RAB15: variants seen among roughly 807,000 people sequenced by gnomAD.
The protein encoded by RAB15 is RAB15, member RAS oncogene family.
In RAB15, 13 loss-of-function variants were observed where a neutral mutation model predicts 31.8. That is an observed-to-expected ratio of 0.41 (90% CI 0.27 to 0.65). RAB15 has a LOEUF of 0.65. Ranked by LOEUF, RAB15 falls within the 30% of genes least tolerant of loss-of-function variation. The probability of loss-of-function intolerance (pLI) is 0.32; values close to 1 mark genes in which losing one functional copy is unlikely to be tolerated. For missense variants in RAB15, 220 were observed against 277.3 expected (o/e 0.79, Z 1.47); for synonymous variants, 100 against 105.6 (o/e 0.95, Z 0.33).
Position 64,958,671 on chromosome 14 carries a change from G to A in RAB15, c.125-6100C>T, listed in dbSNP as rs1039024779. ...CAAAACAGTCTACTTCCTTTCTTGG[G>A]TACAGAAAGAAATAGGGCACAGAAG... On this transcript the variant is annotated intron_variant, in intron 1 of 6. Transcript: ENST00000533601. The surrounding 1 kb of genome is among the most constrained non-coding windows in gnomAD (Gnocchi z 4.4). Among the ~76,000 whole-genome samples the A allele has an allele frequency of 5.3e-5, 8 of 151,952 alleles. No individual in the cohort carries two copies. The highest frequency in any genetic ancestry group is 8.8e-5 in the Non-Finnish European group (6 of 68,006).
chr14:64,972,111 G>C lies in RAB15; in HGVS notation c.-35C>G, dbSNP rs748255857. On this transcript the variant is annotated 5_prime_UTR_variant, in exon 1 of 7. Transcript: ENST00000533601. The surrounding 1 kb of genome is among the most constrained non-coding windows in gnomAD (Gnocchi z 6.3). ...CAGCGGGGCCGGGAACTGCGGGCGG[G>C]CAGCGGGCTCAGCCCTGCTCCGCCG... The C allele has an allele frequency of 3.9e-6, 6 of 1,554,202 alleles. No homozygotes were observed. The highest frequency in any genetic ancestry group is 1.8e-4 in the Middle Eastern group (1 of 5,606).
Position 64,952,700 on chromosome 14 carries a change from G to T in RAB15, c.125-129C>A. The T allele has an allele frequency of 1.6e-6, 1 of 618,272 alleles. No individual in the cohort carries two copies. The highest frequency in any genetic ancestry group is 2.9e-5 in the Admixed American group (1 of 34,070). The allele number at this position is 618,272 out of a possible 1,614,324, so 38.3% of individuals were successfully genotyped here. A position where few individuals can be genotyped will look rare whatever the true frequency, so the allele number is the denominator to read the frequency against. On this transcript the variant is annotated intron_variant, in intron 1 of 6. Transcript: ENST00000533601. This position sits in a 1 kb window ranked among gnomAD's most constrained non-coding sequence, Gnocchi z 4.2. ...TGGCAAAGGGATGAAGTAATGTAAA[G>T]GCCTTCTTTAAGCAGAAACTGACCT...
In RAB15 at chr14:64,971,778, A is replaced by G; in HGVS notation, c.124+175T>C. 1.6e-6 allele frequency: 1 copy of G among 616,362 alleles called. No individual in the cohort carries two copies. The highest frequency in any genetic ancestry group is 2.8e-6 in the Non-Finnish European group (1 of 358,086). 38.2% of individuals were successfully genotyped at this position (616,362 alleles called of 1,614,324 possible). On this transcript the variant is annotated intron_variant, in intron 1 of 6. Transcript: ENST00000533601. This position sits in a 1 kb window ranked among gnomAD's most constrained non-coding sequence, Gnocchi z 4.1. ...CTGGTCCGGACGGCAGGCAGCAGGG[A>G]CACCCTCACCTGCCAAAACCTATGC...
rs1886111508 is a variant in RAB15 at position 64,949,504 on chromosome 14, T to G, written c.415-771A>C. ...GGGAGACTGAGGCAGGTGGATCACC[T>G]GAGGTTAGGAGTTCGAGACCGGCCT... On this transcript the variant is annotated intron_variant, in intron 5 of 6. Coordinates refer to ENST00000533601, the MANE Select transcript of RAB15 (RefSeq NM_001308154.2). 2.0e-5 allele frequency among the ~76,000 whole-genome samples: 3 copies of G among 152,120 alleles called. No homozygotes were observed. In the South Asian group the frequency reaches 6.2e-4, roughly 32 times the overall value.
chr14:64,955,191 A>C lies in RAB15; in HGVS notation c.125-2620T>G, dbSNP rs1359151968. ...ATTCATATGCATTCACATATGATGG[A>C]AGAAACAGAGTAAGTCTATGTCTTC... On this transcript the variant is annotated intron_variant, in intron 1 of 6. Transcript: ENST00000533601. The surrounding 1 kb of genome is among the most constrained non-coding windows in gnomAD (Gnocchi z 4.4). 4.6e-5 allele frequency among the ~76,000 whole-genome samples: 7 copies of C among 152,162 alleles called. No individual in the cohort carries two copies. The South Asian group carries it at 1.0e-3, about 23-fold the overall frequency.
In RAB15 at chr14:64,967,975, A is replaced by G. The variant is rs140618118; in HGVS notation, c.124+3978T>C. Among the ~76,000 whole-genome samples the G allele has an allele frequency of 1.3e-3, 203 of 152,288 alleles. 1 individual carries two copies. Among genetic ancestry groups the G allele is most frequent in the African/African-American group, 4.9e-3 (203 of 41,552 alleles). ...ACCCCTTCTTCCAGCCAACCTCATT[A>G]GTACCCTACTCAAAACCCCTCCTAC... On this transcript the variant is annotated intron_variant, in intron 1 of 6. Coordinates refer to ENST00000533601, the MANE Select transcript of RAB15 (RefSeq NM_001308154.2).
Position 64,968,872 on chromosome 14 carries a change from G to A in RAB15, c.124+3081C>T, listed in dbSNP as rs892497509. Among the ~76,000 whole-genome samples, 4 of 152,224 alleles carry A rather than the reference G, an allele frequency of 2.6e-5. No individual in the cohort carries two copies. The highest frequency in any genetic ancestry group is 9.6e-5 in the African/African-American group (4 of 41,452). ...GGCAGGGCCACCTGCTGGTCTGCTG[G>A]CCAGAAAGACGAAAAGGATAGGGGG... On this transcript the variant is annotated intron_variant, in intron 1 of 6. Coordinates refer to ENST00000533601, the MANE Select transcript of RAB15 (RefSeq NM_001308154.2). This position sits in a 1 kb window ranked among gnomAD's most constrained non-coding sequence, Gnocchi z 4.9.
intron 1 of RAB15, among the ~76,000 whole-genome samples, chr14:64,956,599 C>A (rs916802987): frequency 6.6e-6 from 1 of 152,064 alleles, no homozygotes; most frequent in Non-Finnish European, 1.5e-5. Flanking sequence ...AAGTTTTGCA[C>A]CTGAAGTGTC....
At position 64,947,598 on chromosome 14, in the gene RAB15, A is replaced by C. The variant is rs1885985102; in HGVS notation, c.*756T>G. On this transcript the variant is annotated 3_prime_UTR_variant, in exon 7 of 7. Coordinates refer to ENST00000533601, the MANE Select transcript of RAB15 (RefSeq NM_001308154.2). This position sits in a 1 kb window ranked among gnomAD's most constrained non-coding sequence, Gnocchi z 5.6. ...GGCAGGCGGGCAGCCAAGCAAGGGC[A>C]AAGCTCTGGTCGGGGAATGGGTAGA... 1 of 152,728 alleles carries C rather than the reference A, an allele frequency of 6.5e-6. No homozygotes were observed. The highest frequency in any genetic ancestry group is 2.4e-5 in the African/African-American group (1 of 41,454). The allele number at this position is 152,728 out of a possible 1,614,324, so 9.5% of individuals were successfully genotyped here. A position where few individuals can be genotyped will look rare whatever the true frequency, so the allele number is the denominator to read the frequency against.
At position 64,953,953 on chromosome 14, in the gene RAB15, A is replaced by C. The variant is rs144177730; in HGVS notation, c.125-1382T>G. On this transcript the variant is annotated intron_variant, in intron 1 of 6. Coordinates refer to ENST00000533601, the MANE Select transcript of RAB15 (RefSeq NM_001308154.2). The surrounding 1 kb of genome is among the most constrained non-coding windows in gnomAD (Gnocchi z 4.6). ...ATCACCACTGCCACTCCACCTCCGCATCAGTTATTTGCCAAATGGGAGACA... is the reference window on the plus strand; with the variant it reads ...ATCACCACTGCCACTCCACCTCCGCCTCAGTTATTTGCCAAATGGGAGACA... The C allele has an allele frequency of 1.0e-6, 1 of 985,294 alleles. No individual in the cohort carries two copies. Among genetic ancestry groups the C allele is most frequent in the South Asian group, 4.7e-5 (1 of 21,290 alleles). 61.0% of individuals were successfully genotyped at this position (985,294 alleles called of 1,614,324 possible).
chr14:64,966,680 C>T (rs1341530288), intron 1 of RAB15, among the ~76,000 whole-genome samples: 1 of 152,216 alleles, frequency 6.6e-6, no homozygotes, highest in Non-Finnish European at 1.5e-5. Flanking sequence ...CTTCAATTTA[C>T]AGATGCAGAA....
Position 64,962,183 on chromosome 14 carries a change from C to G in RAB15, c.125-9612G>C, listed in dbSNP as rs528703517. ...TGAGCCAAGATTGTGCCACTGCACTCCAGCCTGGGGGATACAGTGAGACTC... is the reference window on the plus strand; with the variant it reads ...TGAGCCAAGATTGTGCCACTGCACTGCAGCCTGGGGGATACAGTGAGACTC... On this transcript the variant is annotated intron_variant, in intron 1 of 6. Transcript: ENST00000533601. The surrounding 1 kb of genome is among the most constrained non-coding windows in gnomAD (Gnocchi z 4.2). 6.6e-6 allele frequency among the ~76,000 whole-genome samples: 1 copy of G among 152,294 alleles called. No individual in the cohort carries two copies. Among genetic ancestry groups the G allele is most frequent in the African/African-American group, 2.4e-5 (1 of 41,566 alleles).
rs1886381150 is a variant in RAB15 at position 64,953,544 on chromosome 14, G to A, written c.125-973C>T. 6.6e-6 allele frequency among the ~76,000 whole-genome samples: 1 copy of A among 152,212 alleles called. No individual in the cohort carries two copies. The highest frequency in any genetic ancestry group is 2.4e-5 in the African/African-American group (1 of 41,444). On this transcript the variant is annotated intron_variant, in intron 1 of 6. Coordinates refer to ENST00000533601, the MANE Select transcript of RAB15 (RefSeq NM_001308154.2). This position sits in a 1 kb window ranked among gnomAD's most constrained non-coding sequence, Gnocchi z 4.6. Reference sequence around the variant, plus strand: ...GCTTCTTCATCCAAGGGCTGGAGGAGCTAAGCTGCCACGAGACACAAGAAA... The same window carrying A: ...GCTTCTTCATCCAAGGGCTGGAGGAACTAAGCTGCCACGAGACACAAGAAA...
chr14:64,958,491 A>G lies in RAB15; in HGVS notation c.125-5920T>C, dbSNP rs1156459780. Among the ~76,000 whole-genome samples the G allele has an allele frequency of 6.6e-6, 1 of 152,124 alleles. No individual in the cohort carries two copies. The highest frequency in any genetic ancestry group is 2.4e-5 in the African/African-American group (1 of 41,418). ...TTCCCAGCCTCCCAAACTCTGAGCA[A>G]TACATTTCTCTTGCTTTAAATTACT... is the stretch of plus-strand genomic sequence containing the variant. On this transcript the variant is annotated intron_variant, in intron 1 of 6. Transcript: ENST00000533601. The surrounding 1 kb of genome is among the most constrained non-coding windows in gnomAD (Gnocchi z 4.4).
chr14:64,952,290 C>G lies in RAB15; in HGVS notation c.185+221G>C, dbSNP rs1036603944. On this transcript the variant is annotated intron_variant, in intron 2 of 6. Transcript: ENST00000533601. This position sits in a 1 kb window ranked among gnomAD's most constrained non-coding sequence, Gnocchi z 4.2. ...GTTAGTGTGCCAGTTCCTTCTAATT[C>G]CTGCCCTTTGGTGCTTGTAGTCAAT... Among the ~76,000 whole-genome samples, 4 of 152,182 alleles carry G rather than the reference C, an allele frequency of 2.6e-5. No individual in the cohort carries two copies. The highest frequency in any genetic ancestry group is 9.7e-5 in the African/African-American group (4 of 41,442).
rs999229678 is a variant in RAB15 at position 64,950,611 on chromosome 14, A to C, written c.325-197T>G. The C allele has an allele frequency of 2.6e-4, 163 of 623,172 alleles. No individual in the cohort carries two copies. The African/African-American group carries it at 2.8e-3, about 11-fold the overall frequency. 38.6% of individuals were successfully genotyped at this position (623,172 alleles called of 1,614,324 possible). A position where few individuals can be genotyped will look rare whatever the true frequency, so the allele number is the denominator to read the frequency against. On this transcript the variant is annotated intron_variant, in intron 4 of 6. Transcript: ENST00000533601. This position sits in a 1 kb window ranked among gnomAD's most constrained non-coding sequence, Gnocchi z 5.6. ...GTATCACGGGGAGAGCTTAGGGTAG[A>C]AGACACTCTGGCTAAGACTGGTGCT...
At chr14:64,956,935 A>ATTT (rs573399507) in intron 1 of RAB15, among the ~76,000 whole-genome samples, 2 of 143,480 alleles carry the variant, frequency 1.4e-5, no homozygotes, top group Non-Finnish European at 1.5e-5. Context: ...CCTAGCTTCA[A>ATTT]TTTTTTTTTT....
Position 64,953,903 on chromosome 14 carries a change from A to G in RAB15, c.125-1332T>C. On this transcript the variant is annotated intron_variant, in intron 1 of 6. Coordinates refer to ENST00000533601, the MANE Select transcript of RAB15 (RefSeq NM_001308154.2). This position sits in a 1 kb window ranked among gnomAD's most constrained non-coding sequence, Gnocchi z 4.6. ...CCACCAGCTGCACTGCCCGGCCCAG[A>G]AGGCCTGAAGGCACCAGCATCCCCA... 1 of 985,412 alleles carries G rather than the reference A, an allele frequency of 1.0e-6. No homozygotes were observed. The allele number at this position is 985,412 out of a possible 1,614,324, so 61.0% of individuals were successfully genotyped here.
Position 64,950,035 on chromosome 14 carries a change from G to A in RAB15, c.414+290C>T, listed in dbSNP as rs77428551. ...ACTTGAAGTCCTTCATTACTAACAC[G>A]GGGATGATCTCTTAAGCAGAGGGCA... On this transcript the variant is annotated intron_variant, in intron 5 of 6. Transcript: ENST00000533601. This position sits in a 1 kb window ranked among gnomAD's most constrained non-coding sequence, Gnocchi z 5.6. 0.012 allele frequency among the ~76,000 whole-genome samples: 1,770 copies of A among 152,242 alleles called. 44 individuals are homozygous for A. The highest frequency in any genetic ancestry group is 0.041 in the African/African-American group (1,684 of 41,538).
Sources: gnomAD v4.1 joint callset for allele counts (sites outside exome capture counted in the v4.1 genomes callset) on GRCh38, gnomAD v4.1.1 for gene constraint, Gnocchi (gnomAD v3.1) non-coding constraint, MANE v1.5 for transcripts, NCBI Gene and HGNC (gene_info 2026-07-23, HGNC 2026-07-21) for gene names.